The following CDC25B variants were observed in gnomAD, a reference collection of about 807,000 sequenced individuals.
CDC25B encodes M-phase inducer phosphatase 2.
A neutral mutation model predicts 69.8 loss-of-function variants in CDC25B; 33 were observed. The observed-to-expected ratio is 0.47, with a 90% CI of 0.36 to 0.63. The LOEUF (loss-of-function observed/expected upper bound fraction) is 0.63. Among genes scored for constraint, CDC25B ranks in the 30% least tolerant of loss-of-function variants. The pLI is 0.00. For missense variants in CDC25B, 727 were observed against 809.1 expected (o/e 0.90, Z 1.23); for synonymous variants, 341 against 314.6 (o/e 1.08, Z -0.89).
chr20:3,790,093 C>T lies in CDC25B; in HGVS notation c.8+2954C>T, dbSNP rs118149898. ...ATCACCTGAGCCCAGGAGCATGAGGCTGCAATGAACTATGATTGCACCACT... is the reference window on the plus strand; with the variant it reads ...ATCACCTGAGCCCAGGAGCATGAGGTTGCAATGAACTATGATTGCACCACT... On this transcript the variant is annotated intron_variant, in intron 1 of 15. Transcript: ENST00000344256. Among the ~76,000 whole-genome samples, 36 of 152,038 alleles carry T rather than the reference C, an allele frequency of 2.4e-4. No homozygotes were observed. The East Asian group carries it at 6.8e-3, about 29-fold the overall frequency.
upstream of CDC25B, chr20:3,795,692 C>T: frequency 2.0e-6 from 2 of 985,378 alleles, no homozygotes; most frequent in Non-Finnish European, 2.4e-6. Context: ...GGGGGCCCCA[C>T]TGCCCTCCCA....
chr20:3,790,665 G>C (rs1467412294), intron 1 of CDC25B, among the ~76,000 whole-genome samples: 1 of 152,030 alleles, frequency 6.6e-6, no homozygotes, highest in Non-Finnish European at 1.5e-5. Context: ...CTGCCTCGTA[G>C]GTTCAGTCAT....
At position 3,805,032 on chromosome 20, in the gene CDC25B, G is replaced by C; in HGVS notation, c.*71G>C. The C allele has an allele frequency of 6.6e-7, 1 of 1,509,412 alleles. No individual in the cohort carries two copies. Among genetic ancestry groups the C allele is most frequent in the Non-Finnish European group, 8.9e-7 (1 of 1,121,386 alleles). The allele number at this position is 1,509,412 out of a possible 1,614,324, so 93.5% of individuals were successfully genotyped here. On this transcript the variant is annotated 3_prime_UTR_variant, in exon 16 of 16. Coordinates refer to ENST00000245960, the MANE Select transcript of CDC25B (RefSeq NM_021873.4). ...AAGCCAGCTGCCCTATGGGCCTGCC[G>C]GGCTGAGGGCCTGCTGGAGGCCTCA...
intron 14 of CDC25B, among the ~76,000 whole-genome samples, chr20:3,804,203 C>T (rs763795924): frequency 6.6e-6 from 1 of 152,220 alleles, no homozygotes; most frequent in Non-Finnish European, 1.5e-5. Flanking sequence ...CTCCCTTCTC[C>T]CCACCACTGA....
At chr20:3,798,547 G>A (rs1340695043) in intron 3 of CDC25B, 84 bp downstream of exon 3, 1 of 1,164,714 alleles carries the variant, frequency 8.6e-7, no homozygotes, top group Non-Finnish European at 1.2e-6. Context: ...TCACCCGGGA[G>A]GCCTGGGAAA....
intron 1 of CDC25B, 53 bp downstream of exon 1, chr20:3,796,784 C>CCTGGGCCTCCTGGAGAA: frequency 6.6e-7 from 1 of 1,507,506 alleles, no homozygotes. Context: ...GGTCTGGAGT[C>CCTGGGCCTCCTGGAGAA]CTGGGCCTCC....
chr20:3,793,193 C>T (rs984769270), upstream of CDC25B, among the ~76,000 whole-genome samples: 6 of 152,164 alleles, frequency 3.9e-5, no homozygotes, highest in African/African-American at 1.4e-4. Flanking sequence ...CGCAGTGGCT[C>T]ACGCCTGTAA....
upstream of CDC25B, chr20:3,795,905 A>C: frequency 1.0e-6 from 1 of 985,876 alleles, no homozygotes; most frequent in Non-Finnish European, 1.2e-6. Flanking sequence ...TGTCTAACGC[A>C]GACCGTACAG....
intron 7 of CDC25B, 58 bp downstream of exon 7, chr20:3,801,151 G>A: frequency 6.2e-7 from 1 of 1,608,872 alleles, no homozygotes; most frequent in South Asian, 1.1e-5. Context: ...CGGAGAAGAG[G>A]AGGGTGGCCC....
chr20:3,787,285 G>A (rs977741638), intron 1 of CDC25B: 14 of 455,114 alleles, frequency 3.1e-5, no homozygotes, highest in Non-Finnish European at 5.0e-5. Context: ...CAAGTAGTGA[G>A]AATTTTGCCA....
rs11570019 is a variant in CDC25B at position 3,804,860 on chromosome 20, G to A, written c.1642G>A (p.Glu548Lys). 1,107 of 1,614,118 alleles carry A rather than the reference G, an allele frequency of 6.9e-4. 12 individuals carry two copies. The East Asian group carries it at 0.012, about 18-fold the overall frequency. Reference protein sequence around the residue: ...EPQDYRPMNHEAFKDELKTFR... With the variant: ...EPQDYRPMNHKAFKDELKTFR... ...CCAGGACTACCGGCCCATGAACCAC[G>A]AGGCCTTCAAGGATGAGCTAAAGAC... The change falls in exon 16 of 16, where the codon GAG becomes AAG. Residue 548 changes from glutamate to lysine, a missense_variant. Glu to Lys is a moderately conservative substitution (Grantham distance 56). Coordinates refer to ENST00000245960, the MANE Select transcript of CDC25B (RefSeq NM_021873.4).
In CDC25B at chr20:3,803,551, C is replaced by T. The variant is rs747165934; in HGVS notation, c.1490+14C>T. The T allele has an allele frequency of 1.2e-6, 2 of 1,613,846 alleles. No homozygotes were observed. Among genetic ancestry groups the T allele is most frequent in the South Asian group, 2.2e-5 (2 of 91,090 alleles). The stretch of plus-strand genomic sequence containing the variant: ...TGGGCCCCGCATGTGAGTCCCAGCT[C>T]CGCCCAGCCAGCTAGTGTCTGCCCT... On this transcript the variant is annotated intron_variant, in intron 14 of 15. Transcript: ENST00000245960. This position sits in a 1 kb window ranked among gnomAD's most constrained non-coding sequence, Gnocchi z 4.9.
chr20:3,799,528 G>GCT (rs2089196736), intron 3 of CDC25B, among the ~76,000 whole-genome samples: 1 of 51,268 alleles, frequency 2.0e-5, no homozygotes, highest in African/African-American at 8.4e-5. Flanking sequence ...GTGTGTGTGC[G>GCT]CGCGCGCGCG....
chr20:3,790,703 A>G (rs1367889201), intron 1 of CDC25B, among the ~76,000 whole-genome samples: 1 of 151,970 alleles, frequency 6.6e-6, no homozygotes, highest in Non-Finnish European at 1.5e-5. Context: ...CCAAGTAGCT[A>G]GGATTATAGG....
At chr20:3,800,591 G>A (rs1568507615) in intron 5 of CDC25B, 93 bp downstream of exon 5, 3 of 1,581,468 alleles carry the variant, frequency 1.9e-6, no homozygotes, top group East Asian at 2.2e-5. Context: ...CTCCCAGCTG[G>A]GTGTCCCCAG....
chr20:3,796,427 C>CCA lies in CDC25B; in HGVS notation c.-104_-103insAC. ...TTCCTCCCTCCCTCCTTCCCCCCCCCCCCACCCCTCGCCCGCTGCCTCCCT... is the reference window on the plus strand; with the variant it reads ...TTCCTCCCTCCCTCCTTCCCCCCCCCCACCCACCCCTCGCCCGCTGCCTCCCT... On this transcript the variant is annotated 5_prime_UTR_variant, in exon 1 of 16. Transcript: ENST00000245960. 1 of 253,898 alleles carries CCA rather than the reference C, an allele frequency of 3.9e-6. No homozygotes were observed. The highest frequency in any genetic ancestry group is 6.4e-6 in the Non-Finnish European group (1 of 156,808). 15.7% of individuals were successfully genotyped at this position (253,898 alleles called of 1,614,324 possible).
intron 3 of CDC25B, among the ~76,000 whole-genome samples, 162 bp from the exon 4 acceptor site, chr20:3,800,126 G>T (rs1270091083): frequency 6.6e-6 from 1 of 151,810 alleles, no homozygotes; most frequent in Admixed American, 6.6e-5. Context: ...CCAATACCTG[G>T]GCCCCCTGAT....
chr20:3,800,922 G>A (rs762895681), intron 6 of CDC25B, 49 bp from the exon 7 acceptor site: 1 of 1,612,132 alleles, frequency 6.2e-7, no homozygotes, highest in African/African-American at 1.3e-5. Context: ...GGGCATGCTG[G>A]GGTGGTTCCC....
At chr20:3,804,228 T>C (rs982134253) in intron 14 of CDC25B, among the ~76,000 whole-genome samples, 17 of 152,224 alleles carry the variant, frequency 1.1e-4, no homozygotes, top group Non-Finnish European at 2.1e-4. Context: ...CACCAGGTCT[T>C]GTCCAGGAGT....
Sources: allele counts gnomAD v4.1 joint callset (sites outside exome capture counted in the v4.1 genomes callset), GRCh38; gene constraint gnomAD v4.1.1; non-coding constraint Gnocchi (gnomAD v3.1); transcripts MANE v1.5; gene names NCBI Gene and HGNC (gene_info 2026-07-23, HGNC 2026-07-21).